The following MYPOP variants were observed in gnomAD, a reference collection of about 807,000 sequenced individuals.
MYPOP encodes the protein myb-related transcription factor, partner of profilin.
Under a neutral mutation model 25.7 loss-of-function variants are expected in MYPOP, and 21 were observed. The ratio of observed to expected loss-of-function variants is 0.82; its 90% CI spans 0.58 to 1.18. The LOEUF (loss-of-function observed/expected upper bound fraction) is 1.18. Ranked by LOEUF, MYPOP falls within the 50% of genes most tolerant of loss-of-function variation. The pLI, the probability that MYPOP is intolerant of heterozygous loss-of-function variation, is 0.00. For missense variants in MYPOP, 566 were observed against 588.3 expected (o/e 0.96, Z 0.39); for synonymous variants, 280 against 247.9 (o/e 1.13, Z -1.22).
At chr19:45,897,954 C>T (rs1290914174) in intron 2 of MYPOP, among the ~76,000 whole-genome samples, 9 of 149,922 alleles carry the variant, frequency 6.0e-5, no homozygotes, top group East Asian at 3.9e-4. Context: ...GACGGAGTCT[C>T]GCTCTGTCAC....
chr19:45,891,156 G>C lies in MYPOP; in HGVS notation c.667C>G (p.Pro223Ala), dbSNP rs745410773. 1.3e-6 allele frequency: 2 copies of C among 1,515,094 alleles called. No individual in the cohort carries two copies. The highest frequency in any genetic ancestry group is 2.8e-5 in the African/African-American group (2 of 72,472). 93.9% of individuals were successfully genotyped at this position (1,515,094 alleles called of 1,614,324 possible). Residue 223 changes from proline to alanine, a missense_variant, in exon 3 of 3, where the codon CCA becomes GCA. Pro to Ala is a conservative substitution (Grantham distance 27). Transcript: ENST00000322217. ...GGTGGGGGTGGCAGTGGAGGGGCTG[G>C]GGGTGGTGGAGACAAGGCCAGGCGA... ...LPRLALSPPP[P>A]APPLPPPPPL...
Position 45,891,245 on chromosome 19 carries a change from C to T in MYPOP, c.578G>A (p.Gly193Asp). The T allele has an allele frequency of 6.5e-7, 1 of 1,548,534 alleles. No individual in the cohort carries two copies. The highest frequency in any genetic ancestry group is 1.2e-5 in the South Asian group (1 of 84,092). ...ARPSCTPQEGGCPRPKERESP... is the reference protein window; with the variant it reads ...ARPSCTPQEGDCPRPKERESP... Reference sequence around the variant, plus strand: ...CTCACGCTCCTTGGGCCGTGGGCAGCCCCCTTCCTGGGGAGTGCAGGAGGG... The same window carrying T: ...CTCACGCTCCTTGGGCCGTGGGCAGTCCCCTTCCTGGGGAGTGCAGGAGGG... Residue 193 changes from glycine (G) to aspartate (D), a missense_variant, in exon 3 of 3, where the codon GGC becomes GAC. Coordinates refer to ENST00000322217, the MANE Select transcript of MYPOP (RefSeq NM_001012643.4).
intron 2 of MYPOP, among the ~76,000 whole-genome samples, chr19:45,897,038 G>C (rs1967216069): frequency 6.6e-6 from 1 of 151,398 alleles, no homozygotes; most frequent in South Asian, 2.1e-4. Flanking sequence ...TTACCGGTGT[G>C]AGCCACTGCT....
At chr19:45,895,342 C>A (rs1340484072) in intron 2 of MYPOP, among the ~76,000 whole-genome samples, 1 of 152,012 alleles carries the variant, frequency 6.6e-6, no homozygotes, top group Non-Finnish European at 1.5e-5. Context: ...GCCTCCTGGG[C>A]TCAAGCGATT....
At chr19:45,898,556 C>T (rs1967241307) in intron 2 of MYPOP, among the ~76,000 whole-genome samples, 1 of 151,976 alleles carries the variant, frequency 6.6e-6, no homozygotes, top group Admixed American at 6.6e-5. Context: ...CTCCCGACCT[C>T]AGGTAAGCCA....
At position 45,896,952 on chromosome 19, in the gene MYPOP, C is replaced by T. The variant is rs560247474; in HGVS notation, c.499+4323G>A. Among the ~76,000 whole-genome samples, 8 of 152,154 alleles carry T rather than the reference C, an allele frequency of 5.3e-5. No homozygotes were observed. The East Asian group carries it at 9.7e-4, about 18-fold the overall frequency. ...TTTTGTTTTATAGAGATGGGAGCCT[C>T]GCTATATTGCCCAGGCTGGTCTCAA... On this transcript the variant is annotated intron_variant, in intron 2 of 2. Coordinates refer to ENST00000322217, the MANE Select transcript of MYPOP (RefSeq NM_001012643.4).
intron 2 of MYPOP, among the ~76,000 whole-genome samples, chr19:45,893,828 C>T (rs1311008983): frequency 2.8e-5 from 4 of 142,948 alleles, no homozygotes; most frequent in Non-Finnish European, 4.5e-5. Context: ...CTCACTCTGT[C>T]GCCCAGGCTG....
In MYPOP at chr19:45,901,528, G is replaced by A; in HGVS notation, c.246C>T (p.Asp82=). 6.2e-7 allele frequency: 1 copy of A among 1,611,924 alleles called. No individual in the cohort carries two copies. The highest frequency in any genetic ancestry group is 8.5e-7 in the Non-Finnish European group (1 of 1,179,530). Residue 82 remains aspartate, a synonymous_variant, in exon 2 of 3, where the codon GAC becomes GAT. Coordinates refer to ENST00000322217, the MANE Select transcript of MYPOP (RefSeq NM_001012643.4). The surrounding 1 kb of genome is among the most constrained non-coding windows in gnomAD (Gnocchi z 5.7). ...TGQEVQKRWN[D]FKRRTKEKLA... ...GCTTCTCCTTGGTGCGGCGCTTGAA[G>A]TCGTTCCAGCGCTTCTGCACCTCCT...
Position 45,901,505 on chromosome 19 carries a change from T to A in MYPOP, c.269A>T (p.Lys90Met). Reference sequence around the variant, plus strand: ...CGTGGAGTGCGGCACGCGAGCGAGCTTCTCCTTGGTGCGGCGCTTGAAGTC... The same window carrying A: ...CGTGGAGTGCGGCACGCGAGCGAGCATCTCCTTGGTGCGGCGCTTGAAGTC... ...WNDFKRRTKE[K>M]LARVPHSTQG... The change falls in exon 2 of 3, where the codon AAG becomes ATG. Residue 90 changes from lysine (K) to methionine (M), a missense_variant. Coordinates refer to ENST00000322217, the MANE Select transcript of MYPOP (RefSeq NM_001012643.4). The surrounding 1 kb of genome is among the most constrained non-coding windows in gnomAD (Gnocchi z 5.7). 1 of 1,610,846 alleles carries A rather than the reference T, an allele frequency of 6.2e-7. No individual in the cohort carries two copies. The highest frequency in any genetic ancestry group is 8.5e-7 in the Non-Finnish European group (1 of 1,179,050).
chr19:45,896,032 G>A (rs1967199506), intron 2 of MYPOP, among the ~76,000 whole-genome samples: 1 of 151,922 alleles, frequency 6.6e-6, no homozygotes, highest in South Asian at 2.1e-4. Flanking sequence ...TGGCTCAGCC[G>A]GTAATCCCAG....
Position 45,890,433 on chromosome 19 carries a change from G to C in MYPOP, c.*190C>G. 1 of 854,448 alleles carries C rather than the reference G, an allele frequency of 1.2e-6. No individual in the cohort carries two copies. Among genetic ancestry groups the C allele is most frequent in the South Asian group, 2.0e-5 (1 of 51,264 alleles). 52.9% of individuals were successfully genotyped at this position (854,448 alleles called of 1,614,324 possible). A position where few individuals can be genotyped will look rare whatever the true frequency, so the allele number is the denominator to read the frequency against. ...GCCAGGCAGACAGCACTGTACCAGA[G>C]AAAGGGGTTGGGGGGGCCCATTACT... On this transcript the variant is annotated 3_prime_UTR_variant, in exon 3 of 3. Coordinates refer to ENST00000322217, the MANE Select transcript of MYPOP (RefSeq NM_001012643.4).
At position 45,890,719 on chromosome 19, in the gene MYPOP, G is replaced by T. The variant is rs377443180; in HGVS notation, c.1104C>A (p.Pro368=). 3.2e-6 allele frequency: 5 copies of T among 1,578,276 alleles called. No individual in the cohort carries two copies. Among genetic ancestry groups the T allele is most frequent in the Non-Finnish European group, 4.3e-6 (5 of 1,160,118 alleles). Residue 368 remains proline, a synonymous_variant, in exon 3 of 3, where the codon CCC becomes CCA. Transcript: ENST00000322217. The part of the protein sequence containing the change: ...APRSEEGAPR[P]PPAPLPPHDS... ...CGTGCGGAGGGAGCGGGGCTGGGGG[G>T]GGCCGGGGTGCCCCCTCCTCGCTCC... is the stretch of plus-strand genomic sequence containing the variant.
chr19:45,902,225 G>C (rs557920623), intron 1 of MYPOP, among the ~76,000 whole-genome samples: 7 of 119,676 alleles, frequency 5.8e-5, no homozygotes, highest in African/African-American at 1.6e-4. Context: ...ATGCGGAAGG[G>C]GGGATGCAGC....
At chr19:45,896,450 C>T (rs1425121535) in intron 2 of MYPOP, among the ~76,000 whole-genome samples, 1 of 152,172 alleles carries the variant, frequency 6.6e-6, no homozygotes, top group Non-Finnish European at 1.5e-5. Flanking sequence ...CTGGGCTAAG[C>T]TCCCCTCTTA....
In MYPOP at chr19:45,898,265, T is replaced by C. The variant is rs2078617539; in HGVS notation, c.499+3010A>G. On this transcript the variant is annotated intron_variant, in intron 2 of 2. Coordinates refer to ENST00000322217, the MANE Select transcript of MYPOP (RefSeq NM_001012643.4). ...TGTAAATGAGTGTGTGAGCTGGTAC[T>C]ACACAGAGTGCTGGGATTTCAGGCG... Among the ~76,000 whole-genome samples the C allele has an allele frequency of 1.3e-5, 2 of 151,948 alleles. 1 individual carries two copies. The highest frequency in any genetic ancestry group is 4.1e-4 in the South Asian group (2 of 4,822).
chr19:45,896,869 C>T (rs2146379386), intron 2 of MYPOP, among the ~76,000 whole-genome samples: 1 of 152,152 alleles, frequency 6.6e-6, no homozygotes, highest in South Asian at 2.1e-4. Context: ...TCATGATCCA[C>T]CCGCCTCGGC....
chr19:45,900,449 ACC>A (rs57059844), intron 2 of MYPOP, among the ~76,000 whole-genome samples: 27 of 76,780 alleles, frequency 3.5e-4, no homozygotes, highest in African/African-American at 7.0e-4. Flanking sequence ...CTCCTGGACC[ACC>A]CCCCCCCCCA....
At chr19:45,896,908 A>C (rs1967214336) in intron 2 of MYPOP, among the ~76,000 whole-genome samples, 1 of 151,674 alleles carries the variant, frequency 6.6e-6, no homozygotes, top group Non-Finnish European at 1.5e-5. Context: ...TACAGGCGTG[A>C]GCCACCGCGC....
rs543343713 is a variant in MYPOP, at chr19:45,890,323, C to T, written c.*300G>A. The T allele has an allele frequency of 6.7e-4, 214 of 317,100 alleles. 1 individual carries two copies. Among genetic ancestry groups the T allele is most frequent in the Admixed American group, 2.3e-3 (48 of 20,766 alleles). 19.6% of individuals were successfully genotyped at this position (317,100 alleles called of 1,614,324 possible). On this transcript the variant is annotated 3_prime_UTR_variant, in exon 3 of 3. Coordinates refer to ENST00000322217, the MANE Select transcript of MYPOP (RefSeq NM_001012643.4). ...TGTTAGGGAAGGGGAGATGTGCAGACCCGAGAGGTTCCCTCCCCACCCCAC... is the reference window on the plus strand; with the variant it reads ...TGTTAGGGAAGGGGAGATGTGCAGATCCGAGAGGTTCCCTCCCCACCCCAC...
Sources: gnomAD v4.1 joint callset for allele counts (sites outside exome capture counted in the v4.1 genomes callset) on GRCh38, gnomAD v4.1.1 for gene constraint, Gnocchi (gnomAD v3.1) non-coding constraint, MANE v1.5 for transcripts, NCBI Gene and HGNC (gene_info 2026-07-23, HGNC 2026-07-21) for gene names.